Variants in TANC2 observed in about 807,000 individuals in gnomAD.
TANC2 encodes protein TANC2.
TANC2 carries 26 observed loss-of-function variants against 210.5 expected under a neutral mutation model. The observed-to-expected ratio is 0.12, with a 90% CI of 0.09 to 0.17. The LOEUF is 0.17. Among genes scored for constraint, TANC2 ranks in the 10% least tolerant of loss-of-function variants. The pLI, the probability that TANC2 is intolerant of heterozygous loss-of-function variation, is 1.00. For missense variants in TANC2, 2,129 were observed against 2,608.9 expected (o/e 0.82, Z 4.01); for synonymous variants, 931 against 967.1 (o/e 0.96, Z 0.69).
intron 25 of TANC2, among the ~76,000 whole-genome samples, chr17:63,414,662 C>T (rs1330601823): frequency 3.9e-5 from 6 of 152,140 alleles, no homozygotes; most frequent in Admixed American, 3.9e-4. Context: ...TTGAAAGACT[C>T]CAAATCTCTC....
At chr17:63,242,961 A>T (rs2042815809) in intron 8 of TANC2, among the ~76,000 whole-genome samples, 1 of 152,194 alleles carries the variant, frequency 6.6e-6, no homozygotes, top group African/African-American at 2.4e-5. Flanking sequence ...TGCCTCTGTT[A>T]TACTGCGACC....
chr17:63,096,571 A>G (rs2037394611), intron 3 of TANC2, among the ~76,000 whole-genome samples: 1 of 152,188 alleles, frequency 6.6e-6, no homozygotes. Flanking sequence ...TGTAGCATGA[A>G]TCAGACCTTC....
At chr17:63,377,167 T>C (rs372625456) in intron 14 of TANC2, among the ~76,000 whole-genome samples, 1 of 152,198 alleles carries the variant, frequency 6.6e-6, no homozygotes, top group Non-Finnish European at 1.5e-5. Flanking sequence ...CCTCCAGGCC[T>C]GTGATGGGAG....
At chr17:63,091,878 T>C (rs1164731062) in intron 3 of TANC2, among the ~76,000 whole-genome samples, 1 of 152,168 alleles carries the variant, frequency 6.6e-6, no homozygotes, top group Non-Finnish European at 1.5e-5. Flanking sequence ...TGTGTCCTCT[T>C]TTATTTCGTT....
intron 14 of TANC2, among the ~76,000 whole-genome samples, chr17:63,377,001 A>G (rs1050505381): frequency 6.6e-6 from 1 of 152,040 alleles, no homozygotes; most frequent in African/African-American, 2.4e-5. Context: ...GTATTTTTAC[A>G]AAATGAGGCT....
intron 2 of TANC2, among the ~76,000 whole-genome samples, chr17:63,053,723 A>G (rs777962521): frequency 1.2e-4 from 19 of 152,212 alleles, no homozygotes; most frequent in Non-Finnish European, 1.9e-4. Flanking sequence ...TGAACTCCGC[A>G]TAGTCTCCTC....
chr17:63,303,053 T>C (rs2044774055), intron 9 of TANC2, among the ~76,000 whole-genome samples: 1 of 152,162 alleles, frequency 6.6e-6, no homozygotes, highest in Admixed American at 6.5e-5. Flanking sequence ...TGAGCCACTG[T>C]GCCCGGTCAT....
rs1452453533 is a variant in TANC2, at chr17:63,413,190, C to T, written c.3929-353C>T. Reference sequence around the variant, plus strand: ...TCCAAAATAAATTACCCTTTTTGGACTTTTCAAATCCTGTGGTAATGTTTA... The same window carrying T: ...TCCAAAATAAATTACCCTTTTTGGATTTTTCAAATCCTGTGGTAATGTTTA... On this transcript the variant is annotated intron_variant, in intron 24 of 27. Transcript: ENST00000689528. 3 of 222,824 alleles carry T rather than the reference C, an allele frequency of 1.3e-5. 1 individual carries two copies. The East Asian group carries it at 2.9e-4, about 22-fold the overall frequency. 13.8% of individuals were successfully genotyped at this position (222,824 alleles called of 1,614,324 possible).
intron 4 of TANC2, chr17:63,150,605 A>G (rs573777985): frequency 1.3e-5 from 2 of 152,304 alleles, no homozygotes; most frequent in South Asian, 2.1e-4. Flanking sequence ...TCTAGTGTCA[A>G]ACTAGCAGGG....
At chr17:63,295,809 C>A (rs2044518027) in intron 9 of TANC2, among the ~76,000 whole-genome samples, 1 of 152,184 alleles carries the variant, frequency 6.6e-6, no homozygotes, top group Non-Finnish European at 1.5e-5. Context: ...CATGGCCTTA[C>A]ATCCCTATAA....
At chr17:63,037,215 G>A (rs938173164) in intron 2 of TANC2, among the ~76,000 whole-genome samples, 24 of 152,064 alleles carry the variant, frequency 1.6e-4, no homozygotes, top group Non-Finnish European at 8.8e-5. Context: ...CGGGCATGTA[G>A]GGTATACAGC....
chr17:63,244,994 T>G (rs2042877341), intron 8 of TANC2, among the ~76,000 whole-genome samples: 1 of 113,008 alleles, frequency 8.8e-6, no homozygotes, highest in African/African-American at 2.6e-5. Context: ...AAACCTCTTC[T>G]CCTGTGTAAA....
intron 11 of TANC2, among the ~76,000 whole-genome samples, chr17:63,323,151 TA>T (rs1351764863): frequency 1.3e-5 from 2 of 152,224 alleles, no homozygotes; most frequent in East Asian, 3.8e-4. Context: ...AATTATCTTT[TA>T]AATAGGATTT....
At chr17:63,001,542 T>TC (rs1389631553) in intron 1 of TANC2, among the ~76,000 whole-genome samples, 1 of 150,122 alleles carries the variant, frequency 6.7e-6, no homozygotes, top group Non-Finnish European at 1.5e-5. Context: ...TTTTTTTTTT[T>TC]CTTTTTCTTT....
intron 14 of TANC2, among the ~76,000 whole-genome samples, chr17:63,364,244 T>G (rs2047046541): frequency 6.6e-6 from 1 of 152,248 alleles, no homozygotes; most frequent in African/African-American, 2.4e-5. Context: ...CTTTACAAGT[T>G]TGTTTTGTCT....
intron 6 of TANC2, among the ~76,000 whole-genome samples, chr17:63,196,929 T>C (rs542713736): frequency 6.6e-6 from 1 of 152,300 alleles, no homozygotes; most frequent in South Asian, 2.1e-4. Flanking sequence ...GGTATTCATA[T>C]CCAGGCAGTC....
chr17:63,119,966 C>T lies in TANC2; in HGVS notation c.322+20609C>T, dbSNP rs114974734. Among the ~76,000 whole-genome samples the T allele has an allele frequency of 4.3e-3, 657 of 151,890 alleles. 7 individuals are homozygous for T. The highest frequency in any genetic ancestry group is 0.015 in the African/African-American group (619 of 41,396). On this transcript the variant is annotated intron_variant, in intron 4 of 27. Transcript: ENST00000689528. Reference sequence around the variant, plus strand: ...GCCTGGGAGGTTGAGGCTGCAGTGACCCATGATCACTCCACTATCACTCCA... The same window carrying T: ...GCCTGGGAGGTTGAGGCTGCAGTGATCCATGATCACTCCACTATCACTCCA...
chr17:63,241,173 A>G (rs963913225), intron 8 of TANC2, among the ~76,000 whole-genome samples: 1 of 152,198 alleles, frequency 6.6e-6, no homozygotes, highest in Non-Finnish European at 1.5e-5. Flanking sequence ...TTATTTACAG[A>G]AAGTAAGCTC....
At chr17:63,013,910 AT>A (rs1024789317) in intron 2 of TANC2, among the ~76,000 whole-genome samples, 6 of 147,134 alleles carry the variant, frequency 4.1e-5, no homozygotes, top group South Asian at 4.3e-4. Flanking sequence ...TTTTTCTCTC[AT>A]TTTTTTTTCT....
Sources: allele counts gnomAD v4.1 joint callset (sites outside exome capture counted in the v4.1 genomes callset), GRCh38; gene constraint gnomAD v4.1.1; transcripts MANE v1.5; gene names NCBI Gene and HGNC (gene_info 2026-07-23, HGNC 2026-07-21).